The following PNPLA1 variants were observed in gnomAD, a reference collection of about 807,000 sequenced individuals.
The protein encoded by PNPLA1 is patatin like domain 1, omega-hydroxyceramide transacylase, also known as omega-hydroxyceramide transacylase.
PNPLA1 carries 36 observed loss-of-function variants against 51.7 expected under a neutral mutation model. The ratio of observed to expected loss-of-function variants is 0.70; its 90% CI spans 0.53 to 0.92. The LOEUF (loss-of-function observed/expected upper bound fraction) is 0.92, where lower values mean the gene tolerates loss of function less well. Ranked by LOEUF, PNPLA1 falls within the 40% of genes least tolerant of loss-of-function variation. The pLI is 0.00. For missense variants in PNPLA1, 658 were observed against 682.5 expected, an observed-to-expected ratio of 0.96 and a Z score of 0.40; for synonymous variants, 293 against 280.1, an observed-to-expected ratio of 1.05 and a Z score of -0.46.
intron 1 of PNPLA1, among the ~76,000 whole-genome samples, chr6:36,253,389 T>A (rs552894418): frequency 6.1e-4 from 93 of 152,348 alleles, no homozygotes; most frequent in Non-Finnish European, 1.0e-3. Flanking sequence ...TAGAGGTAGG[T>A]TATTTCCTTA....
chr6:36,287,863 G>T (rs1183199167), intron 1 of PNPLA1, among the ~76,000 whole-genome samples: 1 of 152,114 alleles, frequency 6.6e-6, no homozygotes. Flanking sequence ...GCCAGCAGCA[G>T]GAGAGCTAGA....
At chr6:36,295,587 C>T (rs1770835849) in intron 5 of PNPLA1, among the ~76,000 whole-genome samples, 163 bp downstream of exon 5, 1 of 152,272 alleles carries the variant, frequency 6.6e-6, no homozygotes, top group East Asian at 1.9e-4. Context: ...CAGGCTGCAT[C>T]GCCCAGCCCA....
chr6:36,284,505 C>A (rs1188688702), intron 1 of PNPLA1, among the ~76,000 whole-genome samples: 1 of 152,060 alleles, frequency 6.6e-6, no homozygotes, highest in Non-Finnish European at 1.5e-5. Context: ...AGGGTATGTC[C>A]TTCCTTTATC....
At chr6:36,252,919 G>T (rs1297553373) in intron 1 of PNPLA1, among the ~76,000 whole-genome samples, 1 of 152,054 alleles carries the variant, frequency 6.6e-6, no homozygotes, top group Non-Finnish European at 1.5e-5. Context: ...GGTGGCTCAC[G>T]CCTGTAATTC....
chr6:36,273,258 TAAATAAATA>T (rs1769980081), intron 1 of PNPLA1, among the ~76,000 whole-genome samples: 1 of 115,340 alleles, frequency 8.7e-6, no homozygotes, highest in Non-Finnish European at 2.1e-5. Flanking sequence ...AAATAATAAA[TAAATAAATA>T]AATAAATAAA....
chr6:36,297,545 C>T (rs576874239), intron 5 of PNPLA1, among the ~76,000 whole-genome samples: 62 of 152,308 alleles, frequency 4.1e-4, no homozygotes, highest in Non-Finnish European at 7.4e-4. Context: ...AGCTCACATT[C>T]TCACAGCCTC....
At chr6:36,303,365 C>T (rs149005484) in intron 6 of PNPLA1, among the ~76,000 whole-genome samples, 2,558 of 152,254 alleles carry the variant, frequency 0.017, 64 homozygotes, top group African/African-American at 0.055. Flanking sequence ...AGTGCTGGGA[C>T]TACAGGCGTG....
chr6:36,310,557 G>A (rs568450850), intron 8 of PNPLA1, among the ~76,000 whole-genome samples: 4 of 152,272 alleles, frequency 2.6e-5, no homozygotes, highest in South Asian at 2.1e-4. Flanking sequence ...CCCCCATTCC[G>A]ATGTGAATGT....
chr6:36,303,582 A>G, intron 6 of PNPLA1, among the ~76,000 whole-genome samples: 1 of 152,216 alleles, frequency 6.6e-6, no homozygotes, highest in Non-Finnish European at 1.5e-5. Context: ...CTGTAATTCC[A>G]GCACTTTGGG....
At chr6:36,273,261 A>G (rs1306314073) in intron 1 of PNPLA1, among the ~76,000 whole-genome samples, 1 of 116,506 alleles carries the variant, frequency 8.6e-6, no homozygotes, top group Non-Finnish European at 2.1e-5. Context: ...TAATAAATAA[A>G]TAAATAAATA....
chr6:36,265,855 C>G (rs145948605), upstream of PNPLA1, among the ~76,000 whole-genome samples: 5 of 152,280 alleles, frequency 3.3e-5, no homozygotes, highest in South Asian at 1.0e-3. Context: ...TAATACCCAC[C>G]CTCTGGTATT....
chr6:36,252,409 C>G (rs991600225), intron 1 of PNPLA1, among the ~76,000 whole-genome samples: 1 of 152,068 alleles, frequency 6.6e-6, no homozygotes, highest in African/African-American at 2.4e-5. Flanking sequence ...GATGAGGCAG[C>G]CCTGAGCGCA....
chr6:36,297,960 G>A (rs897425878), intron 5 of PNPLA1, among the ~76,000 whole-genome samples: 4 of 151,732 alleles, frequency 2.6e-5, no homozygotes, highest in African/African-American at 4.9e-5. Context: ...ATGCCCTTTC[G>A]TGATCCCTCC....
At chr6:36,290,588 C>G (rs1277214235) in intron 1 of PNPLA1, among the ~76,000 whole-genome samples, 3 of 152,186 alleles carry the variant, frequency 2.0e-5, no homozygotes, top group Non-Finnish European at 4.4e-5. Context: ...AGCTTACAAC[C>G]CAGACTTCCC....
In PNPLA1 at chr6:36,294,180, GC is replaced by G. The variant is rs771244462; in HGVS notation, c.505-5del. 7 of 1,613,712 alleles carry G rather than the reference GC, an allele frequency of 4.3e-6. No individual in the cohort carries two copies. In the East Asian group the frequency reaches 1.6e-4, roughly 36 times the overall value. ...GCCCCAAGTGGGCATTTCTCACTCT[GC>G]CCCCACAGAGGTACATCGATGGGGG... On this transcript the variant is annotated splice_polypyrimidine_tract_variant and intron_variant, in intron 3 of 8. Coordinates refer to ENST00000636260, the MANE Select transcript of PNPLA1 (RefSeq NM_001374623.1). The surrounding 1 kb of genome is among the most constrained non-coding windows in gnomAD (Gnocchi z 4.2).
chr6:36,307,856 A>C, intron 8 of PNPLA1, 144 bp downstream of exon 8: 1 of 1,076,330 alleles, frequency 9.3e-7, no homozygotes, highest in Non-Finnish European at 1.3e-6. Context: ...CACATCCGAC[A>C]TAAAATTCCT....
At chr6:36,255,182 C>T (rs1193171367) in intron 1 of PNPLA1, among the ~76,000 whole-genome samples, 1 of 151,794 alleles carries the variant, frequency 6.6e-6, no homozygotes, top group East Asian at 1.9e-4. Context: ...GCCTGACCAA[C>T]ATGGTGAAAT....
intron 1 of PNPLA1, among the ~76,000 whole-genome samples, chr6:36,276,394 A>G (rs951660388): frequency 6.6e-6 from 1 of 152,160 alleles, no homozygotes; most frequent in Non-Finnish European, 1.5e-5. Context: ...GTGTATGCCC[A>G]GTTCTGTGAC....
chr6:36,292,482 C>T (rs535287924), intron 2 of PNPLA1, among the ~76,000 whole-genome samples: 221 of 152,252 alleles, frequency 1.5e-3, no homozygotes, highest in Admixed American at 1.8e-3. Context: ...TTGCACCTGC[C>T]GCTCCCTCTG....
Sources: gnomAD v4.1 joint callset for allele counts (sites outside exome capture counted in the v4.1 genomes callset) on GRCh38, gnomAD v4.1.1 for gene constraint, Gnocchi (gnomAD v3.1) non-coding constraint, MANE v1.5 for transcripts, NCBI Gene and HGNC (gene_info 2026-07-23, HGNC 2026-07-21) for gene names.